The following EPB41L4A variants were observed in gnomAD, a reference collection of about 807,000 sequenced individuals.
The protein encoded by EPB41L4A is band 4.1-like protein 4A.
Under a neutral mutation model 108.6 loss-of-function variants are expected in EPB41L4A, and 100 were observed. That is an observed-to-expected ratio of 0.92 (90% confidence interval 0.78 to 1.09). EPB41L4A has a LOEUF of 1.09. Ranked by LOEUF, EPB41L4A falls within the 50% of genes least tolerant of loss-of-function variation. The pLI is 0.00. For missense variants in EPB41L4A, 1,030 were observed against 842.7 expected (o/e 1.22, Z -2.75); for synonymous variants, 319 against 289.0 (o/e 1.10, Z -1.05).
At chr5:112,259,794 A>AAT in intron 8 of EPB41L4A, 97 bp downstream of exon 8, 1 of 858,936 alleles carries the variant, frequency 1.2e-6, no homozygotes, top group Non-Finnish European at 2.0e-6. Context: ...ACCCACTGGA[A>AAT]ATATACCTGT....
At chr5:112,400,791 C>A (rs7718804) in intron 1 of EPB41L4A, among the ~76,000 whole-genome samples, 2,596 of 152,306 alleles carry the variant, frequency 0.017, 59 homozygotes, top group African/African-American at 0.059. Flanking sequence ...TCCCCCACAA[C>A]AGCCTGACTA....
At chr5:112,416,341 T>C (rs6879906) in intron 1 of EPB41L4A, among the ~76,000 whole-genome samples, 7,910 of 152,176 alleles carry the variant, frequency 0.052, 623 homozygotes, top group African/African-American at 0.17. Flanking sequence ...GTAACAATAA[T>C]ACAAGCAAAT....
At chr5:112,326,034 C>T (rs1756133904) in intron 1 of EPB41L4A, among the ~76,000 whole-genome samples, 1 of 152,060 alleles carries the variant, frequency 6.6e-6, no homozygotes, top group Non-Finnish European at 1.5e-5. Flanking sequence ...CCTGTATTTC[C>T]AGCTACTTGG....
At chr5:112,277,179 G>A (rs1426256071) in intron 3 of EPB41L4A, among the ~76,000 whole-genome samples, 1 of 152,138 alleles carries the variant, frequency 6.6e-6, no homozygotes, top group African/African-American at 2.4e-5. Context: ...GCAGGCAGCT[G>A]GGGTTGGTAC....
rs368861569 is a variant in EPB41L4A, at chr5:112,168,776, G to A, written c.1895C>T (p.Ser632Leu). 36 of 1,614,082 alleles carry A rather than the reference G, an allele frequency of 2.2e-5. No individual in the cohort carries two copies. The highest frequency in any genetic ancestry group is 3.3e-4 in the Middle Eastern group (2 of 6,062). ...LVPPLPVTRS[S>L]DAQGSGDATV... is the part of the protein sequence containing the mutation. ...AGCATCCCCAGAACCCTGAGCATCC[G>A]AAGAACGGGTCACCGGAAGTGGTGG... Residue 632 changes from serine to leucine, a missense_variant, in exon 22 of 23, where the codon TCG (serine) becomes TTG (leucine). By Grantham distance (145) the Ser-to-Leu change is moderately radical (BLOSUM62 -2). Transcript: ENST00000261486.
In EPB41L4A at chr5:112,337,632, C is replaced by A. The variant is rs888822925; in HGVS notation, c.100-30142G>T. Reference sequence around the variant, plus strand: ...CAGCATAACCCCCGAGTTCATATTCCCTGCTACACCATATACAAGGATCCT... The same window carrying A: ...CAGCATAACCCCCGAGTTCATATTCACTGCTACACCATATACAAGGATCCT... On this transcript the variant is annotated intron_variant, in intron 1 of 22. Coordinates refer to ENST00000261486, the MANE Select transcript of EPB41L4A (RefSeq NM_022140.5). 3.9e-5 allele frequency among the ~76,000 whole-genome samples: 6 copies of A among 152,206 alleles called. No individual in the cohort carries two copies. In the East Asian group the frequency reaches 1.2e-3, roughly 29 times the overall value.
intron 1 of EPB41L4A, among the ~76,000 whole-genome samples, chr5:112,375,070 C>A (rs1339622042): frequency 6.6e-6 from 1 of 152,142 alleles, no homozygotes; most frequent in African/African-American, 2.4e-5. Context: ...GGATCAGAAT[C>A]TCCTAGTGCA....
intron 2 of EPB41L4A, among the ~76,000 whole-genome samples, chr5:112,304,964 G>A (rs965401053): frequency 8.5e-5 from 13 of 152,136 alleles, no homozygotes; most frequent in Non-Finnish European, 1.6e-4. Context: ...TCCATTTATA[G>A]TAACTTCTGA....
downstream of EPB41L4A, chr5:112,161,770 C>G: frequency 2.6e-6 from 1 of 388,652 alleles, no homozygotes; most frequent in South Asian, 1.9e-5. Context: ...TAAAGGTGAC[C>G]TGAAGGTAGG....
intron 1 of EPB41L4A, among the ~76,000 whole-genome samples, chr5:112,383,088 T>C (rs1760278412): frequency 6.6e-6 from 1 of 152,156 alleles, no homozygotes; most frequent in Non-Finnish European, 1.5e-5. Flanking sequence ...CAGAAGTGCA[T>C]GTGAAGGGTT....
chr5:112,201,668 G>A (rs76718209), intron 15 of EPB41L4A, among the ~76,000 whole-genome samples: 5 of 151,996 alleles, frequency 3.3e-5, no homozygotes, highest in Admixed American at 6.6e-5. Flanking sequence ...CACCTATGTC[G>A]CCTCAACACA....
At chr5:112,186,161 G>A (rs916772698) in intron 17 of EPB41L4A, among the ~76,000 whole-genome samples, 1 of 152,180 alleles carries the variant, frequency 6.6e-6, no homozygotes, top group Non-Finnish European at 1.5e-5. Flanking sequence ...CTGTCCAGTT[G>A]ATGGGCAGAA....
chr5:112,195,858 C>A, intron 15 of EPB41L4A, 150 bp from the exon 16 acceptor site: 1 of 668,206 alleles, frequency 1.5e-6, no homozygotes. Context: ...TATGCCTAAC[C>A]CTACATACAA....
At chr5:112,292,519 CCT>C (rs1298558163) in intron 2 of EPB41L4A, among the ~76,000 whole-genome samples, 2 of 152,132 alleles carry the variant, frequency 1.3e-5, no homozygotes, top group Non-Finnish European at 2.9e-5. Context: ...CAAAAAAGCA[CCT>C]GCACAGCTTT....
chr5:112,307,533 G>T, intron 1 of EPB41L4A, 43 bp from the exon 2 acceptor site: 1 of 1,314,414 alleles, frequency 7.6e-7, no homozygotes, highest in Non-Finnish European at 1.1e-6. Flanking sequence ...CTGCCCTTTT[G>T]TTCCTAAGTA....
At chr5:112,158,686 C>T (rs1006034584), downstream of EPB41L4A, among the ~76,000 whole-genome samples, 1 of 152,204 alleles carries the variant, frequency 6.6e-6, no homozygotes, top group Admixed American at 6.5e-5. Context: ...CATCCTTTTG[C>T]ACATGGCAGC....
chr5:112,179,261 A>G (rs1193594816), intron 18 of EPB41L4A, among the ~76,000 whole-genome samples: 1 of 152,108 alleles, frequency 6.6e-6, no homozygotes, highest in Non-Finnish European at 1.5e-5. Flanking sequence ...GGTGAATTCT[A>G]TATTTAAGGA....
chr5:112,336,567 C>T (rs1244614840), intron 1 of EPB41L4A, among the ~76,000 whole-genome samples: 1 of 152,192 alleles, frequency 6.6e-6, no homozygotes, highest in Non-Finnish European at 1.5e-5. Context: ...TACAAGAGCA[C>T]TTTCCTGGTC....
chr5:112,262,095 T>C (rs891091837), intron 7 of EPB41L4A, among the ~76,000 whole-genome samples: 1 of 152,142 alleles, frequency 6.6e-6, no homozygotes, highest in Admixed American at 6.5e-5. Context: ...TTTCGCCATG[T>C]TGGCCAGGCT....
Sources: allele counts gnomAD v4.1 joint callset (sites outside exome capture counted in the v4.1 genomes callset), GRCh38; gene constraint gnomAD v4.1.1; transcripts MANE v1.5; gene names NCBI Gene and HGNC (gene_info 2026-07-23, HGNC 2026-07-21).